TRIO: variants seen among roughly 807,000 people sequenced by gnomAD.
TRIO encodes the protein trio Rho guanine nucleotide exchange factor.
TRIO carries 58 observed loss-of-function variants against 351.9 expected under a neutral mutation model. The observed-to-expected ratio is 0.16, with a 90% confidence interval of 0.13 to 0.21. TRIO has a LOEUF of 0.21. TRIO is among the 10% of genes least tolerant of loss of function. The pLI is 1.00. For missense variants in TRIO, 3,201 were observed against 4,027.8 expected (o/e 0.79, Z 5.56); for synonymous variants, 1,758 against 1,595.7 (o/e 1.10, Z -2.42).
rs568715039 is a variant in TRIO at position 14,202,278 on chromosome 5, T to C, written c.157+58396T>C. ...AAATTCATAAACTTTCTTAAAACAT[T>C]TTGAATATTTTTGTGATTTTTTTTT... On this transcript the variant is annotated intron_variant, in intron 1 of 56. Coordinates refer to ENST00000344204, the MANE Select transcript of TRIO (RefSeq NM_007118.4). 7.5e-5 allele frequency among the ~76,000 whole-genome samples: 11 copies of C among 146,294 alleles called. No individual in the cohort carries two copies. The South Asian group carries it at 2.4e-3, about 32-fold the overall frequency.
chr5:14,293,176 T>A, intron 6 of TRIO, 42 bp downstream of exon 6: 2 of 1,612,618 alleles, frequency 1.2e-6, no homozygotes. Context: ...TGTGACAGTG[T>A]TTTAGCAAAT....
At chr5:14,186,535 C>T (rs1488911516) in intron 1 of TRIO, among the ~76,000 whole-genome samples, 1 of 152,072 alleles carries the variant, frequency 6.6e-6, no homozygotes, top group Non-Finnish European at 1.5e-5. Flanking sequence ...GCATTCATTT[C>T]TGAATGAGTC....
intron 34 of TRIO, among the ~76,000 whole-genome samples, chr5:14,448,492 G>A (rs1293887721): frequency 6.6e-6 from 1 of 152,240 alleles, no homozygotes; most frequent in African/African-American, 2.4e-5. Flanking sequence ...GATCTCCCCT[G>A]ACCTCTGCTG....
intron 47 of TRIO, among the ~76,000 whole-genome samples, chr5:14,487,016 C>T (rs909870248): frequency 3.9e-5 from 6 of 152,186 alleles, no homozygotes; most frequent in South Asian, 2.1e-4. Flanking sequence ...GACAGCCTCC[C>T]GCTCCAGGGG....
intron 9 of TRIO, among the ~76,000 whole-genome samples, chr5:14,327,635 C>T (rs534202640): frequency 9.2e-5 from 14 of 152,082 alleles, no homozygotes; most frequent in Middle Eastern, 3.4e-3. Flanking sequence ...TTTCTCTTTA[C>T]GTAAGTTAAG....
intron 1 of TRIO, among the ~76,000 whole-genome samples, chr5:14,267,242 C>T (rs1795737451): frequency 6.6e-6 from 1 of 152,054 alleles, no homozygotes; most frequent in Non-Finnish European, 1.5e-5. Flanking sequence ...CACCCCCTTC[C>T]ACCTATTTAA....
At chr5:14,339,741 C>T (rs557022706) in intron 11 of TRIO, among the ~76,000 whole-genome samples, 3 of 152,152 alleles carry the variant, frequency 2.0e-5, no homozygotes, top group Non-Finnish European at 4.4e-5. Context: ...TTTGTCTTTC[C>T]CTGACCAGCC....
rs138807189 is a variant in TRIO at position 14,376,536 on chromosome 5, C to A, written c.3332-1476C>A. Among the ~76,000 whole-genome samples, 116 of 152,304 alleles carry A rather than the reference C, an allele frequency of 7.6e-4. 2 individuals carry two copies. The East Asian group carries it at 0.02, about 26-fold the overall frequency. On this transcript the variant is annotated intron_variant, in intron 19 of 56. Transcript: ENST00000344204. ...GACTATATTACCTTGCAACTTGCAT[C>A]TTTCACTTAATAATATATCTTAGTC...
In TRIO at chr5:14,509,358, G is replaced by C. The variant is rs899990304; in HGVS notation, c.*936G>C. The C allele has an allele frequency of 2.3e-6, 1 of 425,774 alleles. No individual in the cohort carries two copies. Among genetic ancestry groups the C allele is most frequent in the Non-Finnish European group, 4.6e-6 (1 of 217,800 alleles). 26.4% of individuals were successfully genotyped at this position (425,774 alleles called of 1,614,324 possible). On this transcript the variant is annotated 3_prime_UTR_variant, in exon 57 of 57. Transcript: ENST00000344204. Reference sequence around the variant, plus strand: ...AATATATAGAAAAAGCACATACTTCGTATGGTGAGCTTTATGGTTTTGTGT... The same window carrying C: ...AATATATAGAAAAAGCACATACTTCCTATGGTGAGCTTTATGGTTTTGTGT...
intron 1 of TRIO, among the ~76,000 whole-genome samples, chr5:14,210,756 C>T (rs445553): frequency 0.81 from 122,638 of 152,154 alleles, 50,044 homozygotes; most frequent in East Asian, 0.99. Flanking sequence ...GTGCAGCTTA[C>T]TCTATTCAGC....
chr5:14,319,556 G>A (rs916713035), intron 9 of TRIO, among the ~76,000 whole-genome samples: 6 of 152,202 alleles, frequency 3.9e-5, no homozygotes, highest in African/African-American at 9.7e-5. Flanking sequence ...AAAGACAGTA[G>A]TAACCGAAAT....
At chr5:14,481,707 G>A in intron 45 of TRIO, 89 bp downstream of exon 45, 1 of 1,304,070 alleles carries the variant, frequency 7.7e-7, no homozygotes, top group Admixed American at 2.0e-5. Flanking sequence ...AGAGAAAGCT[G>A]ATCCTTTTCA....
At chr5:14,305,785 A>G (rs1738311992) in intron 8 of TRIO, among the ~76,000 whole-genome samples, 1 of 152,196 alleles carries the variant, frequency 6.6e-6, no homozygotes, top group South Asian at 2.1e-4. Flanking sequence ...ATTTGCTGCT[A>G]CAGTTTTGTG....
chr5:14,494,898 C>G (rs1756761606), intron 49 of TRIO, among the ~76,000 whole-genome samples: 1 of 151,854 alleles, frequency 6.6e-6, no homozygotes, highest in South Asian at 2.1e-4. Flanking sequence ...GACTCTGTCT[C>G]AAAAAAAGGA....
chr5:14,244,380 A>G (rs1794315484), intron 1 of TRIO, among the ~76,000 whole-genome samples: 3 of 151,370 alleles, frequency 2.0e-5, no homozygotes, highest in East Asian at 3.9e-4. Flanking sequence ...GGAAGAGGCT[A>G]TCTTTGAAGC....
At position 14,232,941 on chromosome 5, in the gene TRIO, A is replaced by C. The variant is rs407514; in HGVS notation, c.158-37884A>C. On this transcript the variant is annotated intron_variant, in intron 1 of 56. Transcript: ENST00000344204. ...GTGCCAGGGCAGGCCCTGTGGGAAT[A>C]CATGTAACTAAACAAGCTCCATGGC... Among the ~76,000 whole-genome samples the C allele has an allele frequency of 7.2e-3, 1,101 of 152,304 alleles. 11 individuals carry two copies. The highest frequency in any genetic ancestry group is 0.025 in the African/African-American group (1,039 of 41,556).
intron 54 of TRIO, 140 bp downstream of exon 54, chr5:14,502,797 A>C: frequency 1.2e-6 from 1 of 843,784 alleles, no homozygotes; most frequent in Non-Finnish European, 1.9e-6. Flanking sequence ...CGTAACTCTC[A>C]TTGCCTTTAG....
At chr5:14,507,042 G>A (rs1343631349) in intron 55 of TRIO, 80 bp from the exon 56 acceptor site, 31 of 1,477,426 alleles carry the variant, frequency 2.1e-5, no homozygotes, top group East Asian at 9.8e-5. Context: ...TGACAGGTCC[G>A]ACATGTTTAC....
intron 34 of TRIO, among the ~76,000 whole-genome samples, chr5:14,451,459 AG>A (rs1752842712): frequency 6.6e-6 from 1 of 152,278 alleles, no homozygotes; most frequent in Admixed American, 6.5e-5. Flanking sequence ...AACAGTCATA[AG>A]CTAAGAATTT....
Sources: gnomAD v4.1 joint callset for allele counts (sites outside exome capture counted in the v4.1 genomes callset) on GRCh38, gnomAD v4.1.1 for gene constraint, MANE v1.5 for transcripts, NCBI Gene and HGNC (gene_info 2026-07-23, HGNC 2026-07-21) for gene names.